ARSB: variants seen among roughly 807,000 people sequenced by gnomAD.
ARSB encodes N-acetylgalactosamine-4-sulfatase.
Under a neutral mutation model 50.9 loss-of-function variants are expected in ARSB, and 41 were observed. The observed-to-expected ratio is 0.81, with a 90% CI of 0.63 to 1.04. The LOEUF (loss-of-function observed/expected upper bound fraction) is 1.04. Ranked by LOEUF, ARSB falls within the 50% of genes least tolerant of loss-of-function variation. The pLI is 0.00. For missense variants in ARSB, 672 were observed against 693.3 expected, an observed-to-expected ratio of 0.97 and a Z score of 0.35; for synonymous variants, 269 against 284.8, an observed-to-expected ratio of 0.94 and a Z score of 0.56.
intron 1 of ARSB, among the ~76,000 whole-genome samples, chr5:78,984,566 G>C (rs1467339312): frequency 6.6e-6 from 1 of 152,170 alleles, no homozygotes; most frequent in Non-Finnish European, 1.5e-5. Context: ...CCTCGTCTTT[G>C]CTCCCAGCCC....
intron 4 of ARSB, among the ~76,000 whole-genome samples, chr5:78,931,238 C>T (rs1281519156): frequency 6.6e-6 from 1 of 152,140 alleles, no homozygotes; most frequent in African/African-American, 2.4e-5. Context: ...TAAAATCTAA[C>T]CAACTTTCAT....
intron 4 of ARSB, among the ~76,000 whole-genome samples, chr5:78,928,842 G>A (rs1223857420): frequency 6.6e-6 from 1 of 152,092 alleles, no homozygotes; most frequent in African/African-American, 2.4e-5. Flanking sequence ...ATATATTCAA[G>A]CAAAATGAAC....
At chr5:78,886,890 A>C (rs1325165266) in intron 4 of ARSB, among the ~76,000 whole-genome samples, 1 of 152,214 alleles carries the variant, frequency 6.6e-6, no homozygotes, top group Non-Finnish European at 1.5e-5. Context: ...AAGCTACAAG[A>C]TGCATCTGGG....
rs34737292 is a variant in ARSB at position 78,928,305 on chromosome 5, C to CTTTTT, written c.898+26985_898+26989dup. Among the ~76,000 whole-genome samples, 6 of 72,588 alleles carry CTTTTT rather than the reference C, an allele frequency of 8.3e-5. 1 individual carries two copies. Among genetic ancestry groups the CTTTTT allele is most frequent in the Admixed American group, 4.0e-4 (2 of 4,968 alleles). 47.6% of individuals were successfully genotyped at this position (72,588 alleles called of 152,430 possible). ...CAACTGTGATTGCCATTTGCTTTTG[C>CTTTTT]TTTTTTTTTTTTTTTTTTTTTTTTT... On this transcript the variant is annotated intron_variant, in intron 4 of 7. Transcript: ENST00000264914.
At chr5:78,893,098 C>T (rs1391313102) in intron 4 of ARSB, among the ~76,000 whole-genome samples, 1 of 152,144 alleles carries the variant, frequency 6.6e-6, no homozygotes, top group Admixed American at 6.5e-5. Flanking sequence ...TGGTAGTGAA[C>T]AAGCTTCACG....
chr5:78,815,932 G>A, intron 6 of ARSB: 1 of 1,534,244 alleles, frequency 6.5e-7, no homozygotes, highest in Non-Finnish European at 8.7e-7. Context: ...TCTTGGAGAA[G>A]GCACTTTTCC....
At chr5:78,921,502 T>C (rs1458732181) in intron 4 of ARSB, among the ~76,000 whole-genome samples, 1 of 152,256 alleles carries the variant, frequency 6.6e-6, no homozygotes, top group Non-Finnish European at 1.5e-5. Flanking sequence ...AATAATATTT[T>C]GGATATACGG....
At chr5:78,783,768 T>C (rs1370506943) in intron 6 of ARSB, among the ~76,000 whole-genome samples, 1 of 152,130 alleles carries the variant, frequency 6.6e-6, no homozygotes. Context: ...AATTTAACTA[T>C]CTCATCTATA....
intron 4 of ARSB, among the ~76,000 whole-genome samples, chr5:78,922,482 C>T (rs1749865105): frequency 6.6e-6 from 1 of 151,902 alleles, no homozygotes; most frequent in Admixed American, 6.6e-5. Context: ...GGGAAGAACC[C>T]AGTCCTGGCA....
chr5:78,838,092 T>TA (rs1411688950), intron 6 of ARSB, among the ~76,000 whole-genome samples: 1 of 151,976 alleles, frequency 6.6e-6, no homozygotes, highest in Non-Finnish European at 1.5e-5. Context: ...CTGACAAGGA[T>TA]AAAAAAATAC....
chr5:78,899,288 G>A (rs1475046211), intron 4 of ARSB, among the ~76,000 whole-genome samples: 2 of 152,106 alleles, frequency 1.3e-5, no homozygotes, highest in South Asian at 4.1e-4. Context: ...ATGCCTTGGA[G>A]TAGTCTTATT....
At chr5:78,942,336 G>T (rs1186029016) in intron 4 of ARSB, among the ~76,000 whole-genome samples, 1 of 151,994 alleles carries the variant, frequency 6.6e-6, no homozygotes, top group African/African-American at 2.4e-5. Flanking sequence ...TTTTGAATGG[G>T]TTTGCTCTTG....
intron 5 of ARSB, among the ~76,000 whole-genome samples, chr5:78,880,500 T>A (rs1483548369): frequency 1.3e-5 from 2 of 151,940 alleles, no homozygotes; most frequent in Admixed American, 6.6e-5. Flanking sequence ...AAAAGAAAAA[T>A]CAAAAATGAT....
Position 78,882,215 on chromosome 5 carries a change from AT to A in ARSB, c.1142+3368del, listed in dbSNP as rs978126438. ...AGGGCAGAGGGAAAATTAGAATAAT[AT>A]TTCTAGGTTTTATGATTAGCCCTGG... On this transcript the variant is annotated intron_variant, in intron 5 of 7. Coordinates refer to ENST00000264914, the MANE Select transcript of ARSB (RefSeq NM_000046.5). Among the ~76,000 whole-genome samples the A allele has an allele frequency of 2.6e-4, 40 of 152,286 alleles. 1 individual carries two copies. The highest frequency in any genetic ancestry group is 9.6e-4 in the African/African-American group (40 of 41,562).
At chr5:78,944,820 T>C (rs1322510638) in intron 4 of ARSB, among the ~76,000 whole-genome samples, 2 of 152,190 alleles carry the variant, frequency 1.3e-5, no homozygotes, top group Non-Finnish European at 1.5e-5. Context: ...GACAGGGACA[T>C]TTAAGTCTGC....
intron 4 of ARSB, among the ~76,000 whole-genome samples, chr5:78,927,859 A>G (rs759765595): frequency 6.6e-6 from 1 of 152,242 alleles, no homozygotes; most frequent in Non-Finnish European, 1.5e-5. Context: ...GGGGCCAGAA[A>G]AAGCTGAGAC....
chr5:78,926,299 C>T (rs1380734657), intron 4 of ARSB, among the ~76,000 whole-genome samples: 1 of 152,176 alleles, frequency 6.6e-6, no homozygotes, highest in Non-Finnish European at 1.5e-5. Flanking sequence ...GAAAGGCTTT[C>T]TTTCCCCATT....
intron 4 of ARSB, among the ~76,000 whole-genome samples, chr5:78,889,985 G>A (rs1268244181): frequency 1.3e-5 from 2 of 152,146 alleles, no homozygotes; most frequent in African/African-American, 4.8e-5. Flanking sequence ...CTTTGAACAC[G>A]GCCCTGATGC....
chr5:78,856,895 T>C (rs888183391), intron 5 of ARSB, among the ~76,000 whole-genome samples: 1 of 152,210 alleles, frequency 6.6e-6, no homozygotes, highest in Non-Finnish European at 1.5e-5. Flanking sequence ...TATAGCATTG[T>C]CTTTGGGAGC....
Sources: gnomAD v4.1 joint callset for allele counts (sites outside exome capture counted in the v4.1 genomes callset) on GRCh38, gnomAD v4.1.1 for gene constraint, MANE v1.5 for transcripts, NCBI Gene and HGNC (gene_info 2026-07-23, HGNC 2026-07-21) for gene names.